Variants in PBDC1 observed in about 807,000 individuals in gnomAD.
The protein encoded by PBDC1 is protein PBDC1.
In PBDC1, 3 loss-of-function variants were observed where a neutral mutation model predicts 12.0. That is an observed-to-expected ratio of 0.25 (90% CI 0.11 to 0.64). PBDC1 has a LOEUF of 0.64. PBDC1 is among the 30% of genes least tolerant of loss of function. PBDC1 has a pLI of 0.84. For missense variants in PBDC1, 162 were observed against 168.1 expected, an observed-to-expected ratio of 0.96 and a Z score of 0.20; for synonymous variants, 64 against 56.4, an observed-to-expected ratio of 1.13 and a Z score of -0.60.
intron 3 of PBDC1, among the ~76,000 whole-genome samples, chrX:76,175,231 G>A (rs1299151525): frequency 8.9e-6 from 1 of 112,288 alleles, no homozygotes; most frequent in African/African-American, 3.2e-5. Flanking sequence ...AACAATCCAC[G>A]GAGGGCAATA....
chrX:76,174,165 C>G (rs148568457), intron 2 of PBDC1, among the ~76,000 whole-genome samples: 2 of 112,164 alleles, frequency 1.8e-5, no homozygotes, highest in African/African-American at 6.5e-5. Context: ...GGAGAAATCC[C>G]TAAGGGGCCA....
At position 76,173,695 on chromosome X, in the gene PBDC1, G is replaced by A. The variant is rs1556796666; in HGVS notation, c.96+45G>A. ...AGCTCCCACCCACTCAGCTAGCCTGGGATCTCTGCAGGACCTGCCTGCCAC... is the reference window on the plus strand; with the variant it reads ...AGCTCCCACCCACTCAGCTAGCCTGAGATCTCTGCAGGACCTGCCTGCCAC... On this transcript the variant is annotated intron_variant, in intron 2 of 5. Transcript: ENST00000373358. 5.1e-6 allele frequency: 5 copies of A among 981,653 alleles called. No individual in the cohort carries two copies. In the Admixed American group the frequency reaches 1.1e-4, roughly 22 times the overall value. The allele number at this position is 981,653 out of a possible 1,213,427, so 80.9% of individuals were successfully genotyped here.
In PBDC1 at chrX:76,175,454, T is replaced by A; in HGVS notation, c.157-19T>A. ...TAAATTACAGACTAGCATCTGTATG[T>A]TGTCTTACTGTTTCGCAGCTGATTT... On this transcript the variant is annotated intron_variant, in intron 3 of 5. Transcript: ENST00000373358. 2 of 1,201,338 alleles carry A rather than the reference T, an allele frequency of 1.7e-6. No individual in the cohort carries two copies. Among genetic ancestry groups the A allele is most frequent in the Non-Finnish European group, 2.3e-6 (2 of 886,484 alleles).
intron 2 of PBDC1, among the ~76,000 whole-genome samples, chrX:76,174,601 A>G (rs1556796745): frequency 8.9e-6 from 1 of 112,460 alleles, no homozygotes; most frequent in Admixed American, 9.4e-5. Flanking sequence ...AATCCTGAGA[A>G]GGTGATTTAT....
intron 4 of PBDC1, among the ~76,000 whole-genome samples, chrX:76,176,477 T>C (rs973273750): frequency 1.7e-4 from 19 of 111,936 alleles, no homozygotes; most frequent in Non-Finnish European, 3.2e-4. Flanking sequence ...TTTTAACTCC[T>C]AGCAGGCAGT....
Position 76,176,888 on chromosome X carries a change from G to A in PBDC1, c.305G>A (p.Arg102Lys), listed in dbSNP as rs1556797007. ...TCGTTTTTGCCTTTATAGAAGTGGA[G>A]GCCATTCTGCTTGAAGTTTAATGGG... ...LKSESAKEKWRPFCLKFNGIV... is the reference protein window; with the variant it reads ...LKSESAKEKWKPFCLKFNGIV... Residue 102 changes from arginine to lysine, a missense_variant, in exon 5 of 6, where the codon AGG becomes AAG. Coordinates refer to ENST00000373358, the MANE Select transcript of PBDC1 (RefSeq NM_016500.5). 5.9e-6 allele frequency: 7 copies of A among 1,194,041 alleles called. No homozygotes were observed. The highest frequency in any genetic ancestry group is 8.0e-6 in the Non-Finnish European group (7 of 880,499).
chrX:76,173,167 C>G lies in PBDC1; in HGVS notation c.29C>G (p.Pro10Arg). The G allele has an allele frequency of 8.5e-7, 1 of 1,174,099 alleles. No individual in the cohort carries two copies. The highest frequency in any genetic ancestry group is 3.1e-5 in the East Asian group (1 of 31,893). Residue 10 changes from proline (P) to arginine (R), a missense_variant and splice_region_variant, in exon 1 of 6, where the codon CCG (proline) becomes CGG (arginine). Pro to Arg is a moderately radical substitution (Grantham distance 103, BLOSUM62 -2). Coordinates refer to ENST00000373358, the MANE Select transcript of PBDC1 (RefSeq NM_016500.5). MAATSGTDEPVSGELVSVAH... is the reference protein window; with the variant it reads MAATSGTDERVSGELVSVAH... ...GCGGCCACCAGTGGAACTGATGAGCCGGTGAGACGCTGTTCTGGGGTCGGG... is the reference window on the plus strand; with the variant it reads ...GCGGCCACCAGTGGAACTGATGAGCGGGTGAGACGCTGTTCTGGGGTCGGG...
chrX:76,178,002 A>G lies in PBDC1; in HGVS notation c.*94A>G. The G allele has an allele frequency of 8.5e-7, 1 of 1,170,161 alleles. No homozygotes were observed. The highest frequency in any genetic ancestry group is 1.1e-6 in the Non-Finnish European group (1 of 877,810). On this transcript the variant is annotated 3_prime_UTR_variant, in exon 6 of 6. Transcript: ENST00000373358. ...CACAGACCCCTTTGGTTAAATGTAAATTCTTGTACAATTGAAGGATACGCA... is the reference window on the plus strand; with the variant it reads ...CACAGACCCCTTTGGTTAAATGTAAGTTCTTGTACAATTGAAGGATACGCA...
Position 76,178,101 on chromosome X carries a change from T to G in PBDC1, c.*193T>G. 2.9e-6 allele frequency: 2 copies of G among 686,620 alleles called. No individual in the cohort carries two copies. The highest frequency in any genetic ancestry group is 2.1e-6 in the Non-Finnish European group (1 of 485,276). 56.6% of individuals were successfully genotyped at this position (686,620 alleles called of 1,213,427 possible). On this transcript the variant is annotated 3_prime_UTR_variant, in exon 6 of 6. Coordinates refer to ENST00000373358, the MANE Select transcript of PBDC1 (RefSeq NM_016500.5). ...CTTGTATGAACTGGTCTAAAGACTGTTAGTGGGGTGTTAGTTGATTTTTCC... is the reference window on the plus strand; with the variant it reads ...CTTGTATGAACTGGTCTAAAGACTGGTAGTGGGGTGTTAGTTGATTTTTCC...
chrX:76,178,084 A>T lies in PBDC1; in HGVS notation c.*176A>T. 2 of 868,224 alleles carry T rather than the reference A, an allele frequency of 2.3e-6. No individual in the cohort carries two copies. Among genetic ancestry groups the T allele is most frequent in the Non-Finnish European group, 3.2e-6 (2 of 631,769 alleles). The allele number at this position is 868,224 out of a possible 1,213,427, so 71.6% of individuals were successfully genotyped here. A position where few individuals can be genotyped will look rare whatever the true frequency, so the allele number is the denominator to read the frequency against. ...GCTGCTCTGGTCATTCCCTTGTATG[A>T]ACTGGTCTAAAGACTGTTAGTGGGG... On this transcript the variant is annotated 3_prime_UTR_variant, in exon 6 of 6. Transcript: ENST00000373358.
intron 4 of PBDC1, 80 bp downstream of exon 4, chrX:76,175,693 C>CT (rs1423186301): frequency 8.7e-6 from 7 of 800,411 alleles, no homozygotes; most frequent in African/African-American, 2.1e-5. Flanking sequence ...CATTTAAGCT[C>CT]TTTTTTTGTT....
In PBDC1 at chrX:76,175,573, T is replaced by C. The variant is rs1556796858; in HGVS notation, c.257T>C (p.Val86Ala). The change falls in exon 4 of 6, where the codon GTG becomes GCG. Residue 86 changes from valine (V) to alanine (A), a missense_variant. By Grantham distance (64) the Val-to-Ala change is moderately conservative (BLOSUM62 0). Transcript: ENST00000373358. ...RKNFETLRIDVLDPEELKSES... is the reference protein window; with the variant it reads ...RKNFETLRIDALDPEELKSES... ...AATTTTGAGACCCTTAGGATAGATG[T>C]GTTGGACCCAGAAGAACTCAAGTCA... The C allele has an allele frequency of 8.3e-7, 1 of 1,207,019 alleles. No homozygotes were observed. Among genetic ancestry groups the C allele is most frequent in the Non-Finnish European group, 1.1e-6 (1 of 892,578 alleles).
chrX:76,174,775 C>A, intron 2 of PBDC1, 115 bp from the exon 3 acceptor site: 1 of 555,004 alleles, frequency 1.8e-6, no homozygotes, highest in Non-Finnish European at 3.1e-6. Flanking sequence ...TTGACAGTAA[C>A]ATCAAGTTTG....
intron 1 of PBDC1, 116 bp downstream of exon 1, chrX:76,173,284 G>A (rs1556796595): frequency 3.0e-6 from 2 of 666,217 alleles, no homozygotes; most frequent in Non-Finnish European, 4.4e-6. Flanking sequence ...GCAGTGGTGG[G>A]ATCACCGCTT....
rs1278621176 is a variant in PBDC1 at position 76,178,228 on chromosome X, G to T, written c.*320G>T. ...TATATCTGTGACTGACTTTAAAAAG[G>T]TATTTGACACTTGAAATTTTTTTCA... On this transcript the variant is annotated 3_prime_UTR_variant, in exon 6 of 6. Transcript: ENST00000373358. 9.9e-6 allele frequency: 3 copies of T among 304,228 alleles called. No homozygotes were observed. The highest frequency in any genetic ancestry group is 5.5e-5 in the African/African-American group (2 of 36,364). The allele number at this position is 304,228 out of a possible 1,213,427, so 25.1% of individuals were successfully genotyped here.
chrX:76,175,783 A>T (rs1311438089), intron 4 of PBDC1, among the ~76,000 whole-genome samples, 170 bp downstream of exon 4: 1 of 112,160 alleles, frequency 8.9e-6, no homozygotes, highest in Admixed American at 9.4e-5. Flanking sequence ...TTTCCAGTTT[A>T]TGGACTTTTC....
chrX:76,173,518 T>C (rs28449392), intron 1 of PBDC1, 67 bp from the exon 2 acceptor site: 3 of 825,852 alleles, frequency 3.6e-6, no homozygotes, highest in East Asian at 3.4e-5. Context: ...TCACTGCGAC[T>C]GGCCTTGGGG....
Position 76,177,759 on chromosome X carries a change from G to A in PBDC1, c.553G>A (p.Glu185Lys). 2 of 1,208,189 alleles carry A rather than the reference G, an allele frequency of 1.7e-6. No individual in the cohort carries two copies. The highest frequency in any genetic ancestry group is 1.8e-5 in the South Asian group (1 of 56,281). Residue 185 changes from glutamate (E) to lysine (K), a missense_variant, in exon 6 of 6, where the codon GAG (glutamate) becomes AAG (lysine). Physicochemically the swap from Glu to Lys is moderately conservative, Grantham distance 56. Around this residue, in one of 3 missense-constraint regions of PBDC1, gnomAD observed 100 missense variants for 96.2 expected, o/e 1.04. Coordinates refer to ENST00000373358, the MANE Select transcript of PBDC1 (RefSeq NM_016500.5). ...AAAAAGAGCTGACAGTGGAGAAGAA[G>A]AGAACACCAAGAATGGAGGAGAGAA... ...GEKRADSGEE[E>K]NTKNGGEKGA...
At chrX:76,173,475 G>A (rs1264963286) in intron 1 of PBDC1, 110 bp from the exon 2 acceptor site, 2 of 544,587 alleles carry the variant, frequency 3.7e-6, no homozygotes, top group Non-Finnish European at 5.8e-6. Flanking sequence ...CGCCCGCCTC[G>A]GCCTCCCAAA....
Sources: allele counts gnomAD v4.1 joint callset (sites outside exome capture counted in the v4.1 genomes callset), GRCh38; gene constraint gnomAD v4.1.1; regional missense constraint gnomAD v4.1.1; transcripts MANE v1.5; gene names NCBI Gene and HGNC (gene_info 2026-07-23, HGNC 2026-07-21).